The following KCNIP4 variants were observed in gnomAD, a reference collection of about 807,000 sequenced individuals.
KCNIP4 encodes the protein Kv channel-interacting protein 4.
A neutral mutation model predicts 34.0 loss-of-function variants in KCNIP4; 12 were observed. That is an observed-to-expected ratio of 0.35 (90% CI 0.23 to 0.57). The LOEUF is 0.57. Among genes scored for constraint, KCNIP4 ranks in the 20% least tolerant of loss-of-function variants. The pLI, the probability that KCNIP4 is intolerant of heterozygous loss-of-function variation, is 0.83. For missense variants in KCNIP4, 238 were observed against 311.7 expected, an observed-to-expected ratio of 0.76 and a Z score of 1.78; for synonymous variants, 124 against 102.2, an observed-to-expected ratio of 1.21 and a Z score of -1.29.
At chr4:21,691,532 A>G (rs1310490860) in intron 1 of KCNIP4, among the ~76,000 whole-genome samples, 5 of 152,136 alleles carry the variant, frequency 3.3e-5, no homozygotes, top group Non-Finnish European at 7.4e-5. Context: ...CAGAACTGAT[A>G]CAGATCACAA....
chr4:21,311,036 T>C (rs1311584217), intron 1 of KCNIP4, among the ~76,000 whole-genome samples: 1 of 152,178 alleles, frequency 6.6e-6, no homozygotes, highest in Non-Finnish European at 1.5e-5. Flanking sequence ...CCCCACTTTG[T>C]TTCTTTAGAG....
chr4:21,891,221 G>A (rs1371582483), intron 1 of KCNIP4, among the ~76,000 whole-genome samples: 2 of 152,112 alleles, frequency 1.3e-5, no homozygotes, highest in Admixed American at 1.3e-4. Context: ...TAGGGTCTAA[G>A]AATAGAATTC....
At chr4:21,531,339 T>TCCCCCC (rs1736658923) in intron 1 of KCNIP4, among the ~76,000 whole-genome samples, 11 of 61,474 alleles carry the variant, frequency 1.8e-4, no homozygotes, top group African/African-American at 4.6e-4. Flanking sequence ...CTCCCTCCCT[T>TCCCCCC]CCCCTCCCCC....
chr4:21,166,989 T>A (rs893662045), intron 1 of KCNIP4, among the ~76,000 whole-genome samples: 19 of 140,114 alleles, frequency 1.4e-4, no homozygotes, highest in Admixed American at 4.3e-4. Context: ...GATGGATGGA[T>A]AAGCAAACTG....
intron 1 of KCNIP4, among the ~76,000 whole-genome samples, chr4:20,990,353 A>C (rs550265937): frequency 1.1e-4 from 16 of 152,324 alleles, no homozygotes; most frequent in African/African-American, 3.4e-4. Flanking sequence ...GCTCATTCTG[A>C]AAGGTTAGTA....
chr4:20,927,391 T>C lies in KCNIP4; in HGVS notation c.62-44682A>G, dbSNP rs1221153366. Among the ~76,000 whole-genome samples the C allele has an allele frequency of 2.0e-5, 3 of 152,060 alleles. No homozygotes were observed. The East Asian group carries it at 5.8e-4, about 29-fold the overall frequency. Reference sequence around the variant, plus strand: ...TAGGGAGTGGCAAAAGAAAAAGAAGTGTGTGGGAATAAAATGTTTAAATTG... The same window carrying C: ...TAGGGAGTGGCAAAAGAAAAAGAAGCGTGTGGGAATAAAATGTTTAAATTG... On this transcript the variant is annotated intron_variant, in intron 1 of 8. Coordinates refer to ENST00000382152, the MANE Select transcript of KCNIP4 (RefSeq NM_025221.6).
At chr4:20,738,436 C>G (rs1458042626) in intron 5 of KCNIP4, among the ~76,000 whole-genome samples, 1 of 152,092 alleles carries the variant, frequency 6.6e-6, no homozygotes, top group Non-Finnish European at 1.5e-5. Flanking sequence ...AATTATGATT[C>G]ATTAGGTTGA....
At chr4:21,773,748 T>TTTTTG (rs767272185) in intron 1 of KCNIP4, among the ~76,000 whole-genome samples, 7 of 139,210 alleles carry the variant, frequency 5.0e-5, no homozygotes, top group African/African-American at 1.7e-4. Context: ...TTTTGTTGTT[T>TTTTTG]TTTTTTTTTT....
intron 1 of KCNIP4, among the ~76,000 whole-genome samples, chr4:20,901,103 T>C (rs1208163442): frequency 6.6e-6 from 1 of 152,206 alleles, no homozygotes; most frequent in Non-Finnish European, 1.5e-5. Context: ...TTGAGCTTCA[T>C]GTTAACAATG....
rs555509994 is a variant in KCNIP4 at position 21,449,150 on chromosome 4, C to A, written c.61+499421G>T. ...AGAGGTATGGGCTGAAAGGACATAA[C>A]CTTGAGCCACAGAGAGTTATTCCCA... On this transcript the variant is annotated intron_variant, in intron 1 of 8. Coordinates refer to ENST00000382152, the MANE Select transcript of KCNIP4 (RefSeq NM_025221.6). Among the ~76,000 whole-genome samples, 8 of 152,298 alleles carry A rather than the reference C, an allele frequency of 5.3e-5. No individual in the cohort carries two copies. In the East Asian group the frequency reaches 1.5e-3, roughly 29 times the overall value.
At chr4:21,566,576 T>C (rs1038368127) in intron 1 of KCNIP4, among the ~76,000 whole-genome samples, 2 of 152,156 alleles carry the variant, frequency 1.3e-5, no homozygotes, top group Non-Finnish European at 2.9e-5. Context: ...CCAAGCTTCC[T>C]GTACAGTTTA....
At chr4:21,278,289 A>G (rs1041178261) in intron 1 of KCNIP4, among the ~76,000 whole-genome samples, 1 of 152,076 alleles carries the variant, frequency 6.6e-6, no homozygotes, top group African/African-American at 2.4e-5. Flanking sequence ...TGTTGCACAG[A>G]TTTTTACTCA....
At chr4:21,618,332 C>T (rs924956338) in intron 1 of KCNIP4, among the ~76,000 whole-genome samples, 1 of 151,936 alleles carries the variant, frequency 6.6e-6, no homozygotes, top group African/African-American at 2.4e-5. Flanking sequence ...TGAGTTAAAG[C>T]CCATTTAAAT....
At chr4:20,823,297 T>C (rs1031464315) in intron 3 of KCNIP4, among the ~76,000 whole-genome samples, 1 of 152,112 alleles carries the variant, frequency 6.6e-6, no homozygotes, top group African/African-American at 2.4e-5. Context: ...TGAAGGTCCT[T>C]GTATGTAATG....
chr4:20,967,092 T>A (rs1734426912), intron 1 of KCNIP4, among the ~76,000 whole-genome samples: 1 of 152,178 alleles, frequency 6.6e-6, no homozygotes. Context: ...TATTAAGTCA[T>A]AAAAGGACCC....
At chr4:21,780,773 A>C (rs1719527859) in intron 1 of KCNIP4, among the ~76,000 whole-genome samples, 1 of 152,140 alleles carries the variant, frequency 6.6e-6, no homozygotes, top group Admixed American at 6.5e-5. Context: ...AAACTGTGTA[A>C]ATTTATTCTC....
At chr4:21,283,148 G>A (rs886290507) in intron 1 of KCNIP4, among the ~76,000 whole-genome samples, 7 of 152,210 alleles carry the variant, frequency 4.6e-5, no homozygotes, top group Admixed American at 2.6e-4. Context: ...CTATAAAGAC[G>A]GAAAGTAGAT....
At chr4:21,447,359 C>T (rs975561859) in intron 1 of KCNIP4, among the ~76,000 whole-genome samples, 3 of 152,124 alleles carry the variant, frequency 2.0e-5, no homozygotes, top group African/African-American at 7.2e-5. Flanking sequence ...GAAGTGCAAC[C>T]TGCTGACAAC....
intron 1 of KCNIP4, among the ~76,000 whole-genome samples, chr4:21,922,678 A>G (rs1352905708): frequency 6.6e-6 from 1 of 152,154 alleles, no homozygotes; most frequent in Non-Finnish European, 1.5e-5. Context: ...ACTGAGATCA[A>G]TCAAACTACT....
Sources: allele counts gnomAD v4.1 joint callset (sites outside exome capture counted in the v4.1 genomes callset), GRCh38; gene constraint gnomAD v4.1.1; transcripts MANE v1.5; gene names NCBI Gene and HGNC (gene_info 2026-07-23, HGNC 2026-07-21).